The following UNC5C variants were observed in gnomAD, a reference collection of about 807,000 sequenced individuals.
The protein encoded by UNC5C is unc-5 netrin receptor C, also known as netrin receptor UNC5C.
Under a neutral mutation model 99.8 loss-of-function variants are expected in UNC5C, and 47 were observed. The ratio of observed to expected loss-of-function variants is 0.47; its 90% CI spans 0.37 to 0.60. The LOEUF is 0.60. Ranked by LOEUF, UNC5C falls within the 20% of genes least tolerant of loss-of-function variation. The pLI is 0.00. For synonymous variants in UNC5C, 487 were observed against 452.2 expected, an observed-to-expected ratio of 1.08 and a Z score of -0.98; for missense variants, 1,062 against 1,165.9, an observed-to-expected ratio of 0.91 and a Z score of 1.30.
intron 1 of UNC5C, among the ~76,000 whole-genome samples, chr4:95,373,367 T>C (rs1744801459): frequency 6.6e-6 from 1 of 152,182 alleles, no homozygotes; most frequent in African/African-American, 2.4e-5. Flanking sequence ...ACTTTCTTGG[T>C]GTTCCTCTAA....
intron 1 of UNC5C, among the ~76,000 whole-genome samples, chr4:95,361,672 T>C (rs1338734294): frequency 6.6e-6 from 1 of 152,138 alleles, no homozygotes; most frequent in Non-Finnish European, 1.5e-5. Context: ...AACATTTCAG[T>C]AGTCAAGAGT....
chr4:95,471,560 C>G (rs1464390314), intron 1 of UNC5C, among the ~76,000 whole-genome samples: 1 of 152,066 alleles, frequency 6.6e-6, no homozygotes, highest in African/African-American at 2.4e-5. Context: ...ACACCCTGAC[C>G]CAAGACTCAC....
rs1373470313 is a variant in UNC5C, at chr4:95,264,497, A to G, written c.594+13762T>C. On this transcript the variant is annotated intron_variant, in intron 4 of 15. Transcript: ENST00000453304. ...TAGTCCAAAAGATATCAACTCCCCC[A>G]ATGCTCTTTCTTTGAGTCTCAAGTA... 2.0e-5 allele frequency among the ~76,000 whole-genome samples: 3 copies of G among 151,960 alleles called. No individual in the cohort carries two copies. In the Admixed American group the frequency reaches 2.0e-4, roughly 10 times the overall value.
At chr4:95,491,690 A>G (rs1385199531) in intron 1 of UNC5C, among the ~76,000 whole-genome samples, 1 of 151,682 alleles carries the variant, frequency 6.6e-6, no homozygotes, top group Non-Finnish European at 1.5e-5. Flanking sequence ...ATGAAGCAAT[A>G]GTAAAATTAT....
chr4:95,371,560 C>T (rs568164040), intron 1 of UNC5C, among the ~76,000 whole-genome samples: 6 of 152,090 alleles, frequency 3.9e-5, no homozygotes, highest in South Asian at 4.2e-4. Context: ...TATTTAGTAC[C>T]TGTGTGAATT....
chr4:95,312,458 A>T (rs942146943), intron 2 of UNC5C, among the ~76,000 whole-genome samples: 2 of 152,210 alleles, frequency 1.3e-5, no homozygotes, highest in Admixed American at 6.6e-5. Flanking sequence ...ATTGTAGCTT[A>T]GACGAGTAAA....
intron 1 of UNC5C, among the ~76,000 whole-genome samples, chr4:95,341,471 GAAGA>G (rs1743574815): frequency 7.5e-6 from 1 of 133,296 alleles, no homozygotes; most frequent in East Asian, 2.3e-4. Context: ...GAGAAAGAAA[GAAGA>G]AAGAGAGAGA....
chr4:95,548,092 A>G (rs1723121211), intron 1 of UNC5C, among the ~76,000 whole-genome samples: 1 of 152,186 alleles, frequency 6.6e-6, no homozygotes, highest in Admixed American at 6.5e-5. Flanking sequence ...GGTATGTATG[A>G]GTGCAGAGGC....
At chr4:95,504,643 T>C (rs1452835120) in intron 1 of UNC5C, among the ~76,000 whole-genome samples, 1 of 152,074 alleles carries the variant, frequency 6.6e-6, no homozygotes, top group Non-Finnish European at 1.5e-5. Context: ...ACTTCAGGTC[T>C]ACAAATATAG....
At chr4:95,462,572 A>G (rs933071690) in intron 1 of UNC5C, among the ~76,000 whole-genome samples, 1 of 152,194 alleles carries the variant, frequency 6.6e-6, no homozygotes, top group Non-Finnish European at 1.5e-5. Flanking sequence ...TACAGGAGGT[A>G]ATTCGGTTTT....
intron 1 of UNC5C, among the ~76,000 whole-genome samples, chr4:95,491,134 C>T (rs1227969512): frequency 6.6e-6 from 1 of 151,310 alleles, no homozygotes; most frequent in Non-Finnish European, 1.5e-5. Flanking sequence ...AAAACTTTTT[C>T]AATGACGGGC....
rs527652524 is a variant in UNC5C, at chr4:95,228,578, C to A, written c.1109-8402G>T. Among the ~76,000 whole-genome samples the A allele has an allele frequency of 6.6e-5, 10 of 152,280 alleles. No homozygotes were observed. In the South Asian group the frequency reaches 1.9e-3, roughly 28 times the overall value. ...AAGGGATTTGTCTAACATTATAAAG[C>A]TGGTGAAACAGCAGAGCCAGGGTTG... On this transcript the variant is annotated intron_variant, in intron 7 of 15. Transcript: ENST00000453304.
At chr4:95,434,083 G>T (rs1383838730) in intron 1 of UNC5C, among the ~76,000 whole-genome samples, 1 of 151,896 alleles carries the variant, frequency 6.6e-6, no homozygotes, top group Non-Finnish European at 1.5e-5. Context: ...TGTTTTCTTT[G>T]TTTAATGTCT....
intron 1 of UNC5C, among the ~76,000 whole-genome samples, chr4:95,505,209 G>A (rs1467003827): frequency 2.0e-5 from 3 of 151,930 alleles, no homozygotes; most frequent in Non-Finnish European, 4.4e-5. Context: ...AACAACTTAC[G>A]GCCTCCAAAG....
intron 4 of UNC5C, among the ~76,000 whole-genome samples, chr4:95,277,409 C>A (rs966800920): frequency 1.2e-4 from 19 of 152,138 alleles, no homozygotes; most frequent in Admixed American, 7.9e-4. Flanking sequence ...TCAATTAGGG[C>A]AATAGTGTCA....
In UNC5C at chr4:95,219,051, A is replaced by C; in HGVS notation, c.1563T>G (p.Ser521Arg). ...ENEALSLKNQ[S>R]LARQTDPSCT... Reference sequence around the variant, plus strand: ...AGGATGGATCAGTCTGCCTTGCTAGACTCTGGTTCTTCAGGCTGAGGGCTT... The same window carrying C: ...AGGATGGATCAGTCTGCCTTGCTAGCCTCTGGTTCTTCAGGCTGAGGGCTT... Residue 521 changes from serine to arginine, a missense_variant, in exon 9 of 16, where the codon AGT becomes AGG. Coordinates refer to ENST00000453304, the MANE Select transcript of UNC5C (RefSeq NM_003728.4). The C allele has an allele frequency of 6.2e-7, 1 of 1,614,020 alleles. No individual in the cohort carries two copies. Among genetic ancestry groups the C allele is most frequent in the African/African-American group, 1.3e-5 (1 of 74,966 alleles).
At chr4:95,222,157 G>T in intron 7 of UNC5C, 2 of 1,286,568 alleles carry the variant, frequency 1.6e-6, no homozygotes, top group Non-Finnish European at 2.1e-6. Flanking sequence ...TGAACTAGGG[G>T]CAATAACGTT....
At chr4:95,368,664 G>A (rs1744653025) in intron 1 of UNC5C, among the ~76,000 whole-genome samples, 1 of 152,078 alleles carries the variant, frequency 6.6e-6, no homozygotes, top group Non-Finnish European at 1.5e-5. Context: ...GTCCAGGTGA[G>A]ACCTAAACCA....
intron 1 of UNC5C, among the ~76,000 whole-genome samples, chr4:95,423,079 G>A (rs114076191): frequency 0.011 from 1,643 of 152,156 alleles, 34 homozygotes; most frequent in African/African-American, 0.038. Context: ...ACTACCCCAG[G>A]GAATACCTTT....
Sources: allele counts gnomAD v4.1 joint callset (sites outside exome capture counted in the v4.1 genomes callset), GRCh38; gene constraint gnomAD v4.1.1; transcripts MANE v1.5; gene names NCBI Gene and HGNC (gene_info 2026-07-23, HGNC 2026-07-21).